The following UBE3A variants were observed in gnomAD, a reference collection of about 807,000 sequenced individuals.
The protein encoded by UBE3A is ubiquitin protein ligase E3A, also known as ubiquitin-protein ligase E3A.
UBE3A carries 6 observed loss-of-function variants against 83.4 expected under a neutral mutation model. That is an observed-to-expected ratio of 0.07 (90% confidence interval 0.04 to 0.14). The LOEUF (loss-of-function observed/expected upper bound fraction) is 0.14, where lower values mean the gene tolerates loss of function less well. Among genes scored for constraint, UBE3A ranks in the 10% least tolerant of loss-of-function variants. The pLI is 1.00. For synonymous variants in UBE3A, 337 were observed against 355.4 expected, an observed-to-expected ratio of 0.95 and a Z score of 0.58; for missense variants, 456 against 1,036.1, an observed-to-expected ratio of 0.44 and a Z score of 7.69.
chr15:25,419,303 A>G (rs1056736441), intron 1 of UBE3A: 2 of 152,196 alleles, frequency 1.3e-5, no homozygotes, highest in African/African-American at 4.8e-5. Context: ...ATAAAAAAAG[A>G]CACTAGAAGA....
At chr15:25,398,771 T>TTATTTA (rs1393685515) in intron 4 of UBE3A, among the ~76,000 whole-genome samples, 7 of 68,948 alleles carry the variant, frequency 1.0e-4, no homozygotes, top group Non-Finnish European at 1.9e-4. Context: ...ATTCTTTTAT[T>TTATTTA]TATATATATA....
intron 3 of UBE3A, chr15:25,408,729 T>G (rs2089291664): frequency 1.4e-6 from 2 of 1,476,736 alleles, no homozygotes; most frequent in South Asian, 1.3e-5. Flanking sequence ...TATAAAAACT[T>G]CTAGAGAAAT....
intron 11 of UBE3A, among the ~76,000 whole-genome samples, chr15:25,351,140 T>C (rs2076431369): frequency 6.6e-6 from 1 of 152,176 alleles, no homozygotes; most frequent in Non-Finnish European, 1.5e-5. Context: ...TTTTGAAAAT[T>C]AGTAAGTAAT....
intron 4 of UBE3A, among the ~76,000 whole-genome samples, chr15:25,376,571 A>G (rs1026990881): frequency 1.3e-5 from 2 of 152,076 alleles, no homozygotes; most frequent in Non-Finnish European, 2.9e-5. Context: ...TGAGCCTGAG[A>G]GTCAAGGCTG....
rs189972013 is a variant in UBE3A, at chr15:25,372,925, A to C, written c.362-1113T>G. Reference sequence around the variant, plus strand: ...AATATATGTTTCACAATGAAAGACAATATAAAATGTAAGTGATCATTGAAT... The same window carrying C: ...AATATATGTTTCACAATGAAAGACACTATAAAATGTAAGTGATCATTGAAT... On this transcript the variant is annotated intron_variant, in intron 5 of 12. Transcript: ENST00000648336. Among the ~76,000 whole-genome samples the C allele has an allele frequency of 2.0e-4, 30 of 152,304 alleles. No individual in the cohort carries two copies. The East Asian group carries it at 3.7e-3, about 19-fold the overall frequency.
chr15:25,409,598 C>T (rs968313119), intron 2 of UBE3A, among the ~76,000 whole-genome samples: 1 of 151,264 alleles, frequency 6.6e-6, no homozygotes, highest in Non-Finnish European at 1.5e-5. Flanking sequence ...TGTTGAAGGA[C>T]TGACTAAAAC....
chr15:25,436,842 T>C, intron 1 of UBE3A, among the ~76,000 whole-genome samples: 1 of 152,174 alleles, frequency 6.6e-6, no homozygotes, highest in East Asian at 1.9e-4. Context: ...CACAGTATTT[T>C]GTATCTCTGT....
At chr15:25,414,512 T>C (rs1392236662) in intron 1 of UBE3A, among the ~76,000 whole-genome samples, 1 of 152,100 alleles carries the variant, frequency 6.6e-6, no homozygotes, top group Non-Finnish European at 1.5e-5. Flanking sequence ...TTAAGTTGTG[T>C]ACTGTAATAA....
chr15:25,351,908 A>C (rs900172109), intron 11 of UBE3A, among the ~76,000 whole-genome samples: 1 of 151,538 alleles, frequency 6.6e-6, no homozygotes. Context: ...TTCAGAGTTG[A>C]TTTTGCTAGG....
chr15:25,410,421 A>G (rs1378432571), intron 2 of UBE3A, among the ~76,000 whole-genome samples: 1 of 152,164 alleles, frequency 6.6e-6, no homozygotes, highest in Non-Finnish European at 1.5e-5. Flanking sequence ...TCAAAAGATC[A>G]TTTTGTGCAA....
At chr15:25,343,645 C>T (rs984730143) in intron 11 of UBE3A, among the ~76,000 whole-genome samples, 2 of 152,030 alleles carry the variant, frequency 1.3e-5, no homozygotes, top group Non-Finnish European at 2.9e-5. Flanking sequence ...TAGCTAACTA[C>T]ATAAACATAA....
At chr15:25,436,089 G>T (rs1567215756) in intron 1 of UBE3A, among the ~76,000 whole-genome samples, 2 of 152,128 alleles carry the variant, frequency 1.3e-5, no homozygotes, top group Admixed American at 6.5e-5. Context: ...TAATTCCAAA[G>T]ATATTACCAC....
At position 25,375,779 on chromosome 15, in the gene UBE3A, AAAC is replaced by A. The variant is rs587782921; in HGVS notation, c.63-19_63-17del. 16 of 1,605,744 alleles carry A rather than the reference AAAC, an allele frequency of 1.0e-5. No homozygotes were observed. In the Admixed American group the frequency reaches 2.3e-4, roughly 23 times the overall value. ...TGCTCGCTTCCTGTACCAAACATTC[AAAC>A]AATAAGCACAGTGATTAGTACAGCT... On this transcript the variant is annotated splice_polypyrimidine_tract_variant and intron_variant, in intron 4 of 12. Coordinates refer to ENST00000648336, the MANE Select transcript of UBE3A (RefSeq NM_130839.5).
intron 4 of UBE3A, among the ~76,000 whole-genome samples, chr15:25,400,250 T>G (rs1447302269): frequency 1.3e-5 from 2 of 152,216 alleles, no homozygotes; most frequent in East Asian, 3.8e-4. Flanking sequence ...CAATCATCCC[T>G]CGGTATCTGC....
At chr15:25,375,346 G>C in intron 5 of UBE3A, 119 bp downstream of exon 5, 13 of 1,248,730 alleles carry the variant, frequency 1.0e-5, no homozygotes, top group South Asian at 5.8e-5. Context: ...TAAAAAATTG[G>C]TTCTACGATA....
At chr15:25,367,221 T>C (rs13329234) in intron 6 of UBE3A, among the ~76,000 whole-genome samples, 9 of 73,972 alleles carry the variant, frequency 1.2e-4, no homozygotes, top group Non-Finnish European at 2.1e-4. Context: ...ATGTAAATAT[T>C]TACATATTTG....
At chr15:25,384,769 C>T (rs1400088606) in intron 4 of UBE3A, among the ~76,000 whole-genome samples, 1 of 152,090 alleles carries the variant, frequency 6.6e-6, no homozygotes, top group Admixed American at 6.6e-5. Context: ...AAAGATATTG[C>T]AAAGCTATAG....
intron 1 of UBE3A, among the ~76,000 whole-genome samples, chr15:25,417,459 T>G (rs1265864532): frequency 2.0e-5 from 3 of 151,446 alleles, no homozygotes; most frequent in Non-Finnish European, 4.4e-5. Flanking sequence ...TAAAATAAAA[T>G]AAATACTAGG....
intron 6 of UBE3A, among the ~76,000 whole-genome samples, chr15:25,364,316 A>G (rs2078661098): frequency 6.6e-6 from 1 of 152,102 alleles, no homozygotes; most frequent in African/African-American, 2.4e-5. Flanking sequence ...CATTTTGATA[A>G]AGGCCATTAT....
Sources: gnomAD v4.1 joint callset for allele counts (sites outside exome capture counted in the v4.1 genomes callset) on GRCh38, gnomAD v4.1.1 for gene constraint, MANE v1.5 for transcripts, NCBI Gene and HGNC (gene_info 2026-07-23, HGNC 2026-07-21) for gene names.